DCAF4: variants seen among roughly 807,000 people sequenced by gnomAD.
DCAF4 encodes DDB1 and CUL4 associated factor 4.
A neutral mutation model predicts 60.9 loss-of-function variants in DCAF4; 37 were observed. That is an observed-to-expected ratio of 0.61 (90% CI 0.47 to 0.80). The LOEUF is 0.80. DCAF4 is among the 30% of genes least tolerant of loss of function. The pLI, the probability that DCAF4 is intolerant of heterozygous loss-of-function variation, is 0.00. For missense variants in DCAF4, 577 were observed against 650.0 expected, an observed-to-expected ratio of 0.89 and a Z score of 1.22; for synonymous variants, 243 against 254.8, an observed-to-expected ratio of 0.95 and a Z score of 0.44.
chr14:72,952,758 G>A (rs180778842), intron 9 of DCAF4, among the ~76,000 whole-genome samples: 1,445 of 137,802 alleles, frequency 0.01, 15 homozygotes, highest in Middle Eastern at 0.034. Flanking sequence ...GCAATGGCAC[G>A]ATCTCAGCTC....
chr14:72,932,372 T>C (rs915102919), intron 1 of DCAF4, among the ~76,000 whole-genome samples: 6 of 152,194 alleles, frequency 3.9e-5, no homozygotes, highest in African/African-American at 1.4e-4. Context: ...TTCGGAAAAA[T>C]GTAGTAAATA....
intron 2 of DCAF4, among the ~76,000 whole-genome samples, chr14:72,938,533 G>A (rs74062605): frequency 0.013 from 2,030 of 152,262 alleles, 47 homozygotes; most frequent in African/African-American, 0.044. Flanking sequence ...ATGTTGTTAG[G>A]CAGTCGTGTC....
At chr14:72,929,569 G>A (rs1888237091) in intron 1 of DCAF4, 2 of 862,206 alleles carry the variant, frequency 2.3e-6, no homozygotes, top group South Asian at 1.5e-5. Flanking sequence ...TTATTTTTCC[G>A]TCAAGCTGTT....
intron 1 of DCAF4, among the ~76,000 whole-genome samples, chr14:72,927,276 G>A (rs1020872346): frequency 3.3e-5 from 5 of 151,592 alleles, no homozygotes; most frequent in African/African-American, 1.2e-4. Context: ...GCTTCCTAGA[G>A]GAAACAATTC....
At chr14:72,955,786 C>A in intron 12 of DCAF4, 90 bp downstream of exon 12, 4 of 1,255,798 alleles carry the variant, frequency 3.2e-6, no homozygotes, top group Non-Finnish European at 4.5e-6. Context: ...GTCCTCACAC[C>A]AAGACCCCAG....
In DCAF4 at chr14:72,956,435, G is replaced by A. The variant is rs758241136; in HGVS notation, c.1229G>A (p.Gly410Asp). ...RTTKCVRQYE[G>D]HVNEYAYLPL... ...ACGAAGTGCGTAAGGCAGTACGAAG[G>A]CCACGTGAATGAGTACGCCTACCTG... The change falls in exon 13 of 14, where the codon GGC becomes GAC. Residue 410 changes from glycine (G) to aspartate (D), a missense_variant. Physicochemically the swap from Gly to Asp is moderately conservative, Grantham distance 94 (BLOSUM62 -1). Coordinates refer to ENST00000358377, the MANE Select transcript of DCAF4 (RefSeq NM_015604.4). 2.5e-6 allele frequency: 4 copies of A among 1,613,736 alleles called. No individual in the cohort carries two copies. The highest frequency in any genetic ancestry group is 3.4e-6 in the Non-Finnish European group (4 of 1,179,852).
At chr14:72,946,436 A>G (rs181694733) in intron 7 of DCAF4, among the ~76,000 whole-genome samples, 4 of 152,246 alleles carry the variant, frequency 2.6e-5, no homozygotes, top group African/African-American at 7.2e-5. Context: ...CTGAGAACCC[A>G]TAGGGAAAGA....
At chr14:72,929,076 G>A (rs1235492379) in intron 1 of DCAF4, among the ~76,000 whole-genome samples, 3 of 152,164 alleles carry the variant, frequency 2.0e-5, no homozygotes, top group Non-Finnish European at 4.4e-5. Flanking sequence ...CGGGCGGCAC[G>A]GACGCCCGGG....
intron 3 of DCAF4, 103 bp from the exon 4 acceptor site, chr14:72,940,117 A>T: frequency 6.7e-7 from 1 of 1,484,658 alleles, no homozygotes; most frequent in South Asian, 1.2e-5. Context: ...GCCCTCAGAA[A>T]AGACAGGCAG....
chr14:72,958,158 G>T (rs1236430545), intron 13 of DCAF4: 4 of 177,484 alleles, frequency 2.3e-5, no homozygotes, highest in Non-Finnish European at 3.6e-5. Context: ...TGTAGTCCCA[G>T]TTAACTCAGG....
chr14:72,952,992 CTTTTTT>C (rs34917327), intron 9 of DCAF4, among the ~76,000 whole-genome samples: 3 of 41,594 alleles, frequency 7.2e-5, no homozygotes, highest in African/African-American at 2.1e-4. Flanking sequence ...AATGCCCGGC[CTTTTTT>C]TTTTTTTTTT....
In DCAF4 at chr14:72,958,677, T is replaced by TC; in HGVS notation, c.1364dup (p.Tyr456ValfsTer60). The stretch of plus-strand genomic sequence containing the variant: ...TGCCCGCCTACTGAGAACCATACCC[T>TC]CCCCGTACCCTGCCTCCAAGGCCGA... On this transcript the variant is annotated frameshift_variant, in exon 14 of 14. Coordinates refer to ENST00000358377, the MANE Select transcript of DCAF4 (RefSeq NM_015604.4). LOFTEE classifies it high-confidence loss of function. The TC allele has an allele frequency of 1.9e-6, 3 of 1,614,112 alleles. No individual in the cohort carries two copies. Among genetic ancestry groups the TC allele is most frequent in the Non-Finnish European group, 2.5e-6 (3 of 1,179,998 alleles).
downstream of DCAF4, among the ~76,000 whole-genome samples, chr14:72,961,506 T>C (rs533350399): frequency 3.3e-5 from 5 of 152,332 alleles, no homozygotes; most frequent in African/African-American, 1.2e-4. Context: ...TCCACATGGG[T>C]CAGAGACAAG....
intron 11 of DCAF4, 90 bp downstream of exon 11, chr14:72,954,573 A>G (rs1303337471): frequency 8.2e-7 from 1 of 1,215,382 alleles, no homozygotes; most frequent in East Asian, 2.4e-5. Flanking sequence ...TGTGCCATCT[A>G]GTACTCTTTG....
At position 72,954,201 on chromosome 14, in the gene DCAF4, C is replaced by A; in HGVS notation, c.846C>A (p.Ile282=). 3 of 1,614,194 alleles carry A rather than the reference C, an allele frequency of 1.9e-6. No homozygotes were observed. The highest frequency in any genetic ancestry group is 2.5e-6 in the Non-Finnish European group (3 of 1,180,034). ...CTGGCATGCTCTGCAGTTTCCGGAT[C>A]CCTGGTGCCTGGTCCTGTGCCTGGT... ...DRPGMLCSFR[I]PGAWSCAWSL... is the part of the protein sequence containing the mutation. Residue 282 remains isoleucine, a synonymous_variant, in exon 10 of 14, where the codon ATC becomes ATA. Coordinates refer to ENST00000358377, the MANE Select transcript of DCAF4 (RefSeq NM_015604.4).
chr14:72,940,040 G>A (rs1889819568), intron 3 of DCAF4, 138 bp downstream of exon 3: 8 of 1,161,774 alleles, frequency 6.9e-6, no homozygotes, highest in Non-Finnish European at 8.6e-6. Context: ...TGGTGGTCAT[G>A]AGGCAAACCG....
Position 72,953,763 on chromosome 14 carries a change from A to ATATATATATATATATG in DCAF4, c.809-401_809-400insTATATATATATATATG, listed in dbSNP as rs1327466108. Among the ~76,000 whole-genome samples the ATATATATATATATATG allele has an allele frequency of 4.5e-4, 17 of 38,140 alleles. 1 individual carries two copies. Among genetic ancestry groups the ATATATATATATATATG allele is most frequent in the African/African-American group, 1.4e-3 (15 of 10,572 alleles). 25.0% of individuals were successfully genotyped at this position (38,140 alleles called of 152,430 possible). On this transcript the variant is annotated intron_variant, in intron 9 of 13. Coordinates refer to ENST00000358377, the MANE Select transcript of DCAF4 (RefSeq NM_015604.4). ...TATATATATATATATATATATATATAGTTTATTTATTTATTTATTTGTGTG... is the reference window on the plus strand; with the variant it reads ...TATATATATATATATATATATATATATATATATATATATATGGTTTATTTATTTATTTATTTGTGTG...
rs149121448 is a variant in DCAF4 at position 72,940,369 on chromosome 14, C to T, written c.343C>T (p.Arg115Trp). 1,227 of 1,608,298 alleles carry T rather than the reference C, an allele frequency of 7.6e-4. 1 individual carries two copies. Among genetic ancestry groups the T allele is most frequent in the Non-Finnish European group, 9.6e-4 (1,130 of 1,178,616 alleles). The change falls in exon 4 of 14, where the codon CGG becomes TGG. Residue 115 changes from arginine to tryptophan, a missense_variant. By Grantham distance (101) the Arg-to-Trp change is moderately radical. Transcript: ENST00000358377. ...RLRLLQEEDR[R>W]KKIARMGFNA... Reference sequence around the variant, plus strand: ...GCGGCTGCTCCAGGAAGAAGACAGACGGAAAAAGGTGGGCTCCTCACCCCT... The same window carrying T: ...GCGGCTGCTCCAGGAAGAAGACAGATGGAAAAAGGTGGGCTCCTCACCCCT...
intron 1 of DCAF4, among the ~76,000 whole-genome samples, chr14:72,927,935 C>A (rs1483960174): frequency 2.0e-5 from 3 of 152,118 alleles, no homozygotes; most frequent in Non-Finnish European, 4.4e-5. Context: ...GGATTATAGG[C>A]ATGCACCACC....
Sources: gnomAD v4.1 joint callset for allele counts (sites outside exome capture counted in the v4.1 genomes callset) on GRCh38, gnomAD v4.1.1 for gene constraint, MANE v1.5 for transcripts, NCBI Gene and HGNC (gene_info 2026-07-23, HGNC 2026-07-21) for gene names.